LMO7: variants seen among roughly 807,000 people sequenced by gnomAD.
LMO7 encodes the protein LIM domain 7.
A neutral mutation model predicts 206.5 loss-of-function variants in LMO7; 120 were observed. That is an observed-to-expected ratio of 0.58 (90% CI 0.50 to 0.68). LMO7 has a LOEUF of 0.68. Ranked by LOEUF, LMO7 falls within the 30% of genes least tolerant of loss-of-function variation. The pLI is 0.00. For missense variants in LMO7, 1,959 were observed against 1,957.9 expected (o/e 1.00, Z -0.01); for synonymous variants, 706 against 681.5 (o/e 1.04, Z -0.56).
At position 75,792,784 on chromosome 13, in the gene LMO7, G is replaced by A. The variant is rs138129509; in HGVS notation, c.318-2617G>A. Among the ~76,000 whole-genome samples, 588 of 152,250 alleles carry A rather than the reference G, an allele frequency of 3.9e-3. 5 individuals are homozygous for A. The highest frequency in any genetic ancestry group is 0.013 in the African/African-American group (542 of 41,512). On this transcript the variant is annotated intron_variant, in intron 4 of 30. Transcript: ENST00000377534. ...TCCTGGCATTGCATTTCAGAGATAGGACACTAATTTGGCTGGCCTATGTAT... is the reference window on the plus strand; with the variant it reads ...TCCTGGCATTGCATTTCAGAGATAGAACACTAATTTGGCTGGCCTATGTAT...
In LMO7 at chr13:75,636,640, C is replaced by A; in HGVS notation, c.-18C>A. 1 of 1,581,400 alleles carries A rather than the reference C, an allele frequency of 6.3e-7. No homozygotes were observed. On this transcript the variant is annotated 5_prime_UTR_variant, in exon 1 of 31. Transcript: ENST00000377534. ...CTCCACGCATCCCGAGTCTCTCTCT[C>A]CCTCCCTTGTCCTAGCCATGGAAGG...
chr13:75,816,280 G>A (rs2056980205), intron 11 of LMO7, among the ~76,000 whole-genome samples: 1 of 152,228 alleles, frequency 6.6e-6, no homozygotes, highest in Non-Finnish European at 1.5e-5. Flanking sequence ...CAGGAGAGCA[G>A]TATAAAAGGT....
rs1474647595 is a variant in LMO7, at chr13:75,853,302, C to T, written c.4575C>T (p.Ser1525=). ...CTTCAGCTGGCTCCGTGAAGACCTC[C>T]ACCACAGGTGTGGCCACCACACAGT... ...PPPSAGSVKT[S]TTGVATTQSP... The change falls in exon 28 of 31, where the codon TCC becomes TCT. Residue 1525 remains serine, a synonymous_variant. Coordinates refer to ENST00000377534, the MANE Select transcript of LMO7 (RefSeq NM_001306080.2). The T allele has an allele frequency of 1.9e-6, 3 of 1,614,064 alleles. No homozygotes were observed. Among genetic ancestry groups the T allele is most frequent in the East Asian group, 2.2e-5 (1 of 44,860 alleles).
chr13:75,751,916 A>T (rs1037416060), intron 3 of LMO7, among the ~76,000 whole-genome samples: 3 of 152,088 alleles, frequency 2.0e-5, no homozygotes, highest in Non-Finnish European at 4.4e-5. Context: ...TTGAAATTTT[A>T]TCAAATATAT....
chr13:75,793,815 C>A (rs1456004241), intron 4 of LMO7, among the ~76,000 whole-genome samples: 1 of 152,188 alleles, frequency 6.6e-6, no homozygotes, highest in African/African-American at 2.4e-5. Context: ...CTCTTCTAAT[C>A]TCTTCTGTCA....
intron 3 of LMO7, among the ~76,000 whole-genome samples, chr13:75,739,912 A>G (rs1424649097): frequency 6.6e-6 from 1 of 152,136 alleles, no homozygotes; most frequent in Non-Finnish European, 1.5e-5. Flanking sequence ...CCCTTTCCAA[A>G]ATTGAAACCA....
At chr13:75,827,582 AG>A (rs1336322477) in intron 15 of LMO7, among the ~76,000 whole-genome samples, 2 of 152,072 alleles carry the variant, frequency 1.3e-5, no homozygotes, top group Non-Finnish European at 2.9e-5. Context: ...TGGACAATCT[AG>A]GCTGCCAAGC....
intron 25 of LMO7, among the ~76,000 whole-genome samples, chr13:75,844,535 A>G (rs1410561589): frequency 6.6e-6 from 1 of 151,486 alleles, no homozygotes; most frequent in Non-Finnish European, 1.5e-5. Flanking sequence ...TCAGTCTCCC[A>G]AGTAACTGAG....
At chr13:75,686,583 T>G (rs1434301289) in intron 1 of LMO7, among the ~76,000 whole-genome samples, 1 of 150,710 alleles carries the variant, frequency 6.6e-6, no homozygotes, top group Non-Finnish European at 1.5e-5. Context: ...GGAGTTGGCT[T>G]TATGGGAGAG....
At chr13:75,694,964 AATC>A (rs543743765) in intron 1 of LMO7, among the ~76,000 whole-genome samples, 234 of 152,284 alleles carry the variant, frequency 1.5e-3, no homozygotes, top group African/African-American at 4.1e-3. Context: ...AGGGTGAAGC[AATC>A]ATCCTTGAGG....
chr13:75,679,339 A>G (rs1392329159), intron 1 of LMO7, among the ~76,000 whole-genome samples: 3 of 152,252 alleles, frequency 2.0e-5, no homozygotes, highest in Non-Finnish European at 2.9e-5. Flanking sequence ...CAGAGGCAAT[A>G]GGCTGAGAGC....
chr13:75,656,273 C>A (rs2038055538), intron 1 of LMO7, among the ~76,000 whole-genome samples: 1 of 152,066 alleles, frequency 6.6e-6, no homozygotes, highest in Non-Finnish European at 1.5e-5. Flanking sequence ...AACTGTGGGT[C>A]CAGGGGAGGT....
intron 1 of LMO7, among the ~76,000 whole-genome samples, chr13:75,686,994 C>T (rs1432088763): frequency 2.0e-5 from 3 of 152,084 alleles, no homozygotes; most frequent in Admixed American, 2.0e-4. Flanking sequence ...TCTAAATTAC[C>T]TCCAAAGGCC....
At chr13:75,685,266 T>G (rs1287172860) in intron 1 of LMO7, among the ~76,000 whole-genome samples, 1 of 152,112 alleles carries the variant, frequency 6.6e-6, no homozygotes, top group African/African-American at 2.4e-5. Flanking sequence ...GGACTTGGAG[T>G]AAGCTGGGTT....
Position 75,840,483 on chromosome 13 carries a change from C to T in LMO7, c.3570C>T (p.Asp1190=), listed in dbSNP as rs764312083. The T allele has an allele frequency of 1.2e-5, 19 of 1,613,634 alleles. No individual in the cohort carries two copies. The highest frequency in any genetic ancestry group is 1.5e-5 in the Non-Finnish European group (18 of 1,179,770). Residue 1190 remains aspartate, a synonymous_variant, in exon 22 of 31, where the codon GAC becomes GAT. Transcript: ENST00000377534. ...AGGAGAGGTGGCAGAAGGAGCAGGACCGCCTACTGCAGGTAGCTCTGGCTC... is the reference window on the plus strand; with the variant it reads ...AGGAGAGGTGGCAGAAGGAGCAGGATCGCCTACTGCAGGTAGCTCTGGCTC... ...KRQERWQKEQ[D]RLLQEKYQRE...
At chr13:75,807,201 C>T (rs1307996821) in intron 9 of LMO7, 1 of 352,624 alleles carries the variant, frequency 2.8e-6, no homozygotes, top group South Asian at 4.8e-5. Context: ...GTACCTAGTC[C>T]ATGCTCCAGC....
intron 1 of LMO7, among the ~76,000 whole-genome samples, chr13:75,662,250 A>T (rs962025995): frequency 2.6e-5 from 4 of 152,220 alleles, no homozygotes; most frequent in African/African-American, 7.2e-5. Flanking sequence ...CATGAATCCC[A>T]TGAGTCTTGT....
intron 3 of LMO7, among the ~76,000 whole-genome samples, chr13:75,749,024 C>T (rs1165430800): frequency 1.3e-5 from 2 of 152,052 alleles, no homozygotes; most frequent in African/African-American, 4.8e-5. Flanking sequence ...CCAGGCTGGT[C>T]TGGAACTCCT....
chr13:75,711,358 A>G (rs187644139), intron 1 of LMO7, among the ~76,000 whole-genome samples: 1 of 152,200 alleles, frequency 6.6e-6, no homozygotes, highest in Non-Finnish European at 1.5e-5. Context: ...TGATTAGAAT[A>G]GTTTCAGAAG....
Sources: gnomAD v4.1 joint callset for allele counts (sites outside exome capture counted in the v4.1 genomes callset) on GRCh38, gnomAD v4.1.1 for gene constraint, MANE v1.5 for transcripts, NCBI Gene and HGNC (gene_info 2026-07-23, HGNC 2026-07-21) for gene names.